Variants in GSK3B observed in about 807,000 individuals in gnomAD.
GSK3B encodes glycogen synthase kinase 3 beta.
A neutral mutation model predicts 56.4 loss-of-function variants in GSK3B; 15 were observed. That is an observed-to-expected ratio of 0.27 (90% confidence interval 0.18 to 0.41). The LOEUF (loss-of-function observed/expected upper bound fraction) is 0.41, where lower values mean the gene tolerates loss of function less well. Among genes scored for constraint, GSK3B ranks in the 10% least tolerant of loss-of-function variants. GSK3B has a pLI of 1.00. For missense variants in GSK3B, 300 were observed against 513.4 expected (o/e 0.58, Z 4.02); for synonymous variants, 181 against 188.9 (o/e 0.96, Z 0.34).
At chr3:119,977,091 T>G (rs1333381029) in intron 2 of GSK3B, among the ~76,000 whole-genome samples, 1 of 152,202 alleles carries the variant, frequency 6.6e-6, no homozygotes, top group Non-Finnish European at 1.5e-5. Flanking sequence ...AAACTATATA[T>G]AATTTTAACA....
chr3:120,043,767 C>A (rs1049298046), intron 1 of GSK3B, among the ~76,000 whole-genome samples: 4 of 152,210 alleles, frequency 2.6e-5, no homozygotes, highest in Admixed American at 6.5e-5. Flanking sequence ...CCCTACACCC[C>A]CTTCAGAGCA....
At chr3:120,015,674 A>C (rs997525980) in intron 1 of GSK3B, among the ~76,000 whole-genome samples, 7 of 150,108 alleles carry the variant, frequency 4.7e-5, no homozygotes, top group Non-Finnish European at 7.4e-5. Flanking sequence ...AAAAAAAAAA[A>C]AAAAACTAGA....
intron 1 of GSK3B, among the ~76,000 whole-genome samples, chr3:120,015,910 G>A (rs888078389): frequency 1.3e-5 from 2 of 152,130 alleles, no homozygotes; most frequent in Non-Finnish European, 2.9e-5. Context: ...AGCCTTACAA[G>A]TAGTAAAACA....
Position 120,077,320 on chromosome 3 carries a change from A to ATG in GSK3B, c.88+16025_88+16026dup, listed in dbSNP as rs541544861. Among the ~76,000 whole-genome samples the ATG allele has an allele frequency of 2.9e-3, 448 of 152,244 alleles. 1 individual carries two copies. The highest frequency in any genetic ancestry group is 8.8e-3 in the African/African-American group (365 of 41,528). The stretch of plus-strand genomic sequence containing the variant: ...TAAACTTCAGTGTGTGTATATATAT[A>ATG]TGTGTGTGTGTACACACACATATGG... On this transcript the variant is annotated intron_variant, in intron 1 of 10. Coordinates refer to ENST00000264235, the MANE Select transcript of GSK3B (RefSeq NM_001146156.2).
chr3:120,072,032 T>A (rs1318768129), intron 1 of GSK3B, among the ~76,000 whole-genome samples: 1 of 152,240 alleles, frequency 6.6e-6, no homozygotes, highest in Non-Finnish European at 1.5e-5. Context: ...GTTTACTTAC[T>A]GAATATTAAG....
chr3:119,985,917 C>T (rs545487752), intron 2 of GSK3B, among the ~76,000 whole-genome samples: 2 of 152,294 alleles, frequency 1.3e-5, no homozygotes, highest in African/African-American at 4.8e-5. Flanking sequence ...AGGCATCATG[C>T]TACCTGACTT....
chr3:119,912,680 C>A, intron 6 of GSK3B, 24 bp downstream of exon 6: 2 of 973,644 alleles, frequency 2.1e-6, no homozygotes, highest in South Asian at 1.5e-5. Flanking sequence ...TAATTATGAG[C>A]ATTATATTCA....
chr3:119,929,917 A>AAAT lies in GSK3B; in HGVS notation c.367-6437_367-6435dup, dbSNP rs1559841358. Among the ~76,000 whole-genome samples the AAAT allele has an allele frequency of 2.3e-3, 309 of 132,750 alleles. 31 individuals are homozygous for AAAT. Among genetic ancestry groups the AAAT allele is most frequent in the Middle Eastern group, 0.011 (3 of 276 alleles). The allele number at this position is 132,750 out of a possible 152,430, so 87.1% of individuals were successfully genotyped here. ...ACTCTGCCTCAAAAAAAAAAAAAAA[A>AAAT]AATAATAATAATAATTAGCCAGGCC... On this transcript the variant is annotated intron_variant, in intron 3 of 10. Transcript: ENST00000264235.
At chr3:120,064,691 T>C (rs1440017093) in intron 1 of GSK3B, among the ~76,000 whole-genome samples, 1 of 152,164 alleles carries the variant, frequency 6.6e-6, no homozygotes, top group Admixed American at 6.6e-5. Context: ...TAAGGGACCC[T>C]GAATACCTAA....
At chr3:119,873,855 A>G (rs1403190340) in intron 8 of GSK3B, among the ~76,000 whole-genome samples, 3 of 152,170 alleles carry the variant, frequency 2.0e-5, no homozygotes, top group African/African-American at 7.2e-5. Flanking sequence ...GTATGAAGTG[A>G]AAACCAAATT....
At position 119,921,160 on chromosome 3, in the gene GSK3B, C is replaced by T. The variant is rs2056836422; in HGVS notation, c.477+2213G>A. Among the ~76,000 whole-genome samples the T allele has an allele frequency of 2.0e-5, 3 of 152,264 alleles. 1 individual carries two copies. In the South Asian group the frequency reaches 6.2e-4, roughly 32 times the overall value. ...CAACAAAACACCTCATTCATTGGTA[C>T]CTATGGAGGATGCTATGGAATAGAC... On this transcript the variant is annotated intron_variant, in intron 4 of 10. Transcript: ENST00000264235.
intron 1 of GSK3B, among the ~76,000 whole-genome samples, chr3:120,080,996 G>C (rs1370637156): frequency 6.6e-6 from 1 of 152,072 alleles, no homozygotes; most frequent in Non-Finnish European, 1.5e-5. Context: ...GAACTGTCAG[G>C]TTTCACTGTT....
chr3:119,900,335 A>G (rs192747663), intron 7 of GSK3B, among the ~76,000 whole-genome samples: 6 of 152,242 alleles, frequency 3.9e-5, no homozygotes, highest in African/African-American at 4.8e-5. Flanking sequence ...AATTATTACT[A>G]TAGCATAAGT....
At chr3:119,983,977 G>A (rs770692236) in intron 2 of GSK3B, among the ~76,000 whole-genome samples, 1 of 152,170 alleles carries the variant, frequency 6.6e-6, no homozygotes, top group Non-Finnish European at 1.5e-5. Context: ...CTCAGCAAAT[G>A]TAAAAGGACA....
chr3:119,826,647 CAATAAT>C lies in GSK3B; in HGVS notation c.*135_*140del, dbSNP rs72548715. The C allele has an allele frequency of 1.8e-6, 1 of 549,724 alleles. No individual in the cohort carries two copies. The highest frequency in any genetic ancestry group is 2.2e-5 in the Admixed American group (1 of 44,454). 34.1% of individuals were successfully genotyped at this position (549,724 alleles called of 1,614,324 possible). ...ATTTTACAAGGTTAAATAAGAACAACAATAATAATAAAAAAATTGAACACTAAAATG... is the reference window on the plus strand; with the variant it reads ...ATTTTACAAGGTTAAATAAGAACAACAATAAAAAAATTGAACACTAAAATG... On this transcript the variant is annotated 3_prime_UTR_variant, in exon 11 of 11. Transcript: ENST00000264235.
At chr3:120,047,789 T>C (rs1267859162) in intron 1 of GSK3B, among the ~76,000 whole-genome samples, 1 of 152,122 alleles carries the variant, frequency 6.6e-6, no homozygotes, top group Non-Finnish European at 1.5e-5. Flanking sequence ...ACATAACTGG[T>C]AGGGTATTTG....
chr3:119,906,049 C>T (rs961886841), intron 6 of GSK3B, among the ~76,000 whole-genome samples, 197 bp from the exon 7 acceptor site: 1 of 152,018 alleles, frequency 6.6e-6, no homozygotes, highest in Non-Finnish European at 1.5e-5. Flanking sequence ...AAAGAGGAAA[C>T]CAGACCAATA....
chr3:120,014,817 G>C (rs17204605), intron 1 of GSK3B, among the ~76,000 whole-genome samples: 1 of 152,094 alleles, frequency 6.6e-6, no homozygotes, highest in African/African-American at 2.4e-5. Flanking sequence ...GCTGGCTTCC[G>C]GAGATGTTTA....
chr3:119,955,345 T>A (rs920679202), intron 2 of GSK3B, among the ~76,000 whole-genome samples: 1 of 152,106 alleles, frequency 6.6e-6, no homozygotes, highest in Admixed American at 6.6e-5. Context: ...GTTCCATGCA[T>A]AGAACATGTA....
Sources: allele counts gnomAD v4.1 joint callset (sites outside exome capture counted in the v4.1 genomes callset), GRCh38; gene constraint gnomAD v4.1.1; transcripts MANE v1.5; gene names NCBI Gene and HGNC (gene_info 2026-07-23, HGNC 2026-07-21).